Variants in ADGRL3 observed in about 807,000 individuals in gnomAD.
ADGRL3 encodes the protein adhesion G protein-coupled receptor L3, also known as calcium-independent alpha-latrotoxin receptor 3.
A neutral mutation model predicts 153.5 loss-of-function variants in ADGRL3; 62 were observed. The ratio of observed to expected loss-of-function variants is 0.40; its 90% CI spans 0.33 to 0.50. The LOEUF (loss-of-function observed/expected upper bound fraction) is 0.50. ADGRL3 is among the 20% of genes least tolerant of loss of function. The pLI is 0.47. For missense variants in ADGRL3, 1,641 were observed against 1,859.4 expected (o/e 0.88, Z 2.16); for synonymous variants, 710 against 672.5 (o/e 1.06, Z -0.86).
intron 4 of ADGRL3, among the ~76,000 whole-genome samples, chr4:61,567,670 A>C (rs1483076769): frequency 1.3e-5 from 2 of 152,180 alleles, no homozygotes; most frequent in African/African-American, 4.8e-5. Context: ...AGACTAGGAC[A>C]AAGCCTTAAG....
At chr4:62,017,446 T>C (rs564441937) in intron 21 of ADGRL3, among the ~76,000 whole-genome samples, 37 of 151,872 alleles carry the variant, frequency 2.4e-4, no homozygotes, top group Admixed American at 1.5e-3. Context: ...GGGAGTTTTT[T>C]TTTTTTAGAC....
intron 5 of ADGRL3, among the ~76,000 whole-genome samples, chr4:61,631,774 C>G (rs75044990): frequency 6.6e-6 from 1 of 150,680 alleles, no homozygotes; most frequent in Non-Finnish European, 1.5e-5. Context: ...TTTTTTTTTT[C>G]TTTTCTTTTT....
chr4:61,438,852 C>A lies in ADGRL3; in HGVS notation c.-174+55663C>A, dbSNP rs184350518. On this transcript the variant is annotated intron_variant, in intron 2 of 26. Transcript: ENST00000683033. ...CTTCCCGAGTAGCTGAGACTACAGG[C>A]GCCCGCCACCACGCCCGGCTAATTT... is the stretch of plus-strand genomic sequence containing the variant. Among the ~76,000 whole-genome samples the A allele has an allele frequency of 2.2e-4, 34 of 151,932 alleles. No individual in the cohort carries two copies. In the East Asian group the frequency reaches 5.8e-3, roughly 26 times the overall value.
intron 2 of ADGRL3, among the ~76,000 whole-genome samples, chr4:61,432,580 T>C (rs1420785217): frequency 9.4e-4 from 2 of 2,120 alleles, no homozygotes; most frequent in African/African-American, 1.4e-3. Context: ...CTTCCTTTCT[T>C]TCTTTCTTTC....
chr4:61,814,393 C>A (rs891803618), intron 9 of ADGRL3, among the ~76,000 whole-genome samples: 1 of 151,768 alleles, frequency 6.6e-6, no homozygotes, highest in African/African-American at 2.4e-5. Flanking sequence ...CCACCTGTTT[C>A]AGTTAAAGAT....
At chr4:61,441,043 C>T (rs335279) in intron 2 of ADGRL3, among the ~76,000 whole-genome samples, 141,765 of 152,176 alleles carry the variant, frequency 0.93, 66,870 homozygotes, top group East Asian at 1. Context: ...TCCTGTTATT[C>T]CTATTTATCC....
At chr4:61,876,545 CT>C (rs902269489) in intron 9 of ADGRL3, among the ~76,000 whole-genome samples, 2 of 152,116 alleles carry the variant, frequency 1.3e-5, no homozygotes, top group Admixed American at 1.3e-4. Flanking sequence ...TTTCACTCTA[CT>C]TTTTTTATTT....
intron 5 of ADGRL3, among the ~76,000 whole-genome samples, chr4:61,606,863 G>T (rs2099034463): frequency 6.6e-6 from 1 of 152,148 alleles, no homozygotes; most frequent in African/African-American, 2.4e-5. Context: ...AACAAGTCCA[G>T]ATATGAGAGG....
chr4:61,784,926 C>G (rs550451161), intron 8 of ADGRL3, among the ~76,000 whole-genome samples: 12 of 152,100 alleles, frequency 7.9e-5, no homozygotes, highest in Admixed American at 7.2e-4. Flanking sequence ...GCCTCAGTAC[C>G]CTTATCAGTA....
intron 8 of ADGRL3, among the ~76,000 whole-genome samples, chr4:61,804,623 T>G: frequency 6.6e-6 from 1 of 152,336 alleles, no homozygotes; most frequent in Non-Finnish European, 1.5e-5. Context: ...ACACTTAGTT[T>G]ATTACGACTC....
chr4:61,817,219 C>T (rs2097698345), intron 9 of ADGRL3, among the ~76,000 whole-genome samples: 1 of 150,092 alleles, frequency 6.7e-6, no homozygotes, highest in South Asian at 2.1e-4. Flanking sequence ...AGGAGGCAGA[C>T]AGGTTCCCGG....
At chr4:61,487,494 T>C (rs1407412530) in intron 2 of ADGRL3, among the ~76,000 whole-genome samples, 1 of 152,148 alleles carries the variant, frequency 6.6e-6, no homozygotes, top group Non-Finnish European at 1.5e-5. Context: ...CTTGGTTCTC[T>C]GTAGATTTTG....
intron 2 of ADGRL3, among the ~76,000 whole-genome samples, chr4:61,398,007 T>C (rs1357177694): frequency 1.3e-5 from 2 of 151,972 alleles, no homozygotes; most frequent in East Asian, 3.9e-4. Flanking sequence ...TTCATATTAT[T>C]GTAGATGTCT....
intron 2 of ADGRL3, among the ~76,000 whole-genome samples, chr4:61,457,338 C>G (rs959705289): frequency 2.0e-5 from 3 of 151,784 alleles, no homozygotes; most frequent in Non-Finnish European, 4.4e-5. Context: ...GATTATTAAA[C>G]AAAAGTTAAT....
chr4:61,392,871 A>G (rs2096829676), intron 2 of ADGRL3, among the ~76,000 whole-genome samples: 2 of 151,910 alleles, frequency 1.3e-5, no homozygotes, highest in South Asian at 4.2e-4. Flanking sequence ...GGCATTGGAT[A>G]TTGGGAATAT....
At chr4:61,552,722 G>A (rs1483004758) in intron 4 of ADGRL3, among the ~76,000 whole-genome samples, 1 of 152,032 alleles carries the variant, frequency 6.6e-6, no homozygotes, top group Admixed American at 6.6e-5. Flanking sequence ...TCTTGTCTTG[G>A]CCTCCCAAGA....
chr4:61,728,381 CAGTTG>C (rs1239130495), intron 6 of ADGRL3, among the ~76,000 whole-genome samples: 1 of 151,962 alleles, frequency 6.6e-6, no homozygotes, highest in Non-Finnish European at 1.5e-5. Context: ...TACCAAATGG[CAGTTG>C]AGTTAATAGA....
At chr4:61,900,235 C>G (rs1377086971) in intron 11 of ADGRL3, among the ~76,000 whole-genome samples, 2 of 152,236 alleles carry the variant, frequency 1.3e-5, no homozygotes, top group African/African-American at 4.8e-5. Context: ...ACTAAATGCA[C>G]CAAGTTGCTG....
intron 8 of ADGRL3, among the ~76,000 whole-genome samples, chr4:61,800,560 AG>A (rs1311720206): frequency 5.3e-5 from 8 of 152,190 alleles, no homozygotes; most frequent in Non-Finnish European, 1.0e-4. Context: ...TCCTAACCTC[AG>A]TGCAAGTGCT....
Sources: allele counts gnomAD v4.1 joint callset (sites outside exome capture counted in the v4.1 genomes callset), GRCh38; gene constraint gnomAD v4.1.1; transcripts MANE v1.5; gene names NCBI Gene and HGNC (gene_info 2026-07-23, HGNC 2026-07-21).